Variants in SMC5 observed in about 807,000 individuals in gnomAD.
SMC5 encodes structural maintenance of chromosomes 5.
In SMC5, 88 loss-of-function variants were observed where a neutral mutation model predicts 148.3. That is an observed-to-expected ratio of 0.59 (90% confidence interval 0.50 to 0.71). The LOEUF is 0.71. SMC5 is among the 30% of genes least tolerant of loss of function. The pLI is 0.00. For missense variants in SMC5, 1,142 were observed against 1,298.9 expected (o/e 0.88, Z 1.86); for synonymous variants, 421 against 432.8 (o/e 0.97, Z 0.34).
chr9:70,336,835 C>T (rs1018175873), intron 17 of SMC5, among the ~76,000 whole-genome samples: 1 of 152,090 alleles, frequency 6.6e-6, no homozygotes, highest in African/African-American at 2.4e-5. Flanking sequence ...TGTATTGGTC[C>T]GTTTTCATGC....
chr9:70,290,396 A>G (rs564964297), intron 8 of SMC5, among the ~76,000 whole-genome samples: 35 of 152,216 alleles, frequency 2.3e-4, no homozygotes, highest in Non-Finnish European at 3.7e-4. Context: ...TATGAATAAT[A>G]AAAGACATTC....
intron 10 of SMC5, 60 bp from the exon 11 acceptor site, chr9:70,305,187 C>A: frequency 2.9e-6 from 2 of 700,864 alleles, no homozygotes; most frequent in South Asian, 1.9e-5. Flanking sequence ...TTAATATAAA[C>A]ATGTTTTAAT....
chr9:70,302,872 C>A (rs1178809328), intron 10 of SMC5, among the ~76,000 whole-genome samples: 1 of 152,034 alleles, frequency 6.6e-6, no homozygotes, highest in Non-Finnish European at 1.5e-5. Context: ...AATTGAATTG[C>A]CATGTAAACC....
At chr9:70,300,527 TG>T (rs1408377603) in intron 10 of SMC5, among the ~76,000 whole-genome samples, 5 of 152,192 alleles carry the variant, frequency 3.3e-5, no homozygotes, top group African/African-American at 1.2e-4. Flanking sequence ...AAAACCCTGC[TG>T]AAGAGGTAGA....
intron 1 of SMC5, among the ~76,000 whole-genome samples, chr9:70,260,893 C>T (rs564729797): frequency 6.6e-6 from 1 of 152,110 alleles, no homozygotes; most frequent in African/African-American, 2.4e-5. Flanking sequence ...TAGGCGCGTA[C>T]CATACCTGGC....
intron 17 of SMC5, among the ~76,000 whole-genome samples, chr9:70,336,446 C>A (rs1297062279): frequency 2.0e-5 from 3 of 152,148 alleles, no homozygotes; most frequent in Admixed American, 2.0e-4. Context: ...TCCTCTCCCC[C>A]ACTCCCCACC....
rs757294694 is a variant in SMC5 at position 70,259,046 on chromosome 9, C to T, written c.-33C>T. On this transcript the variant is annotated 5_prime_UTR_variant, in exon 1 of 25. It adds an upstream start codon to the 5' untranslated region. Transcript: ENST00000361138. The stretch of plus-strand genomic sequence containing the variant: ...CGCCTGGGCTGCCGGACGGTGGGAA[C>T]GGAAGTCGCTGTGGGACGCTGAGGA... 6.4e-7 allele frequency: 1 copy of T among 1,571,528 alleles called. No individual in the cohort carries two copies. The highest frequency in any genetic ancestry group is 8.6e-7 in the Non-Finnish European group (1 of 1,157,688).
At position 70,282,537 on chromosome 9, in the gene SMC5, A is replaced by T. The variant is rs770977626; in HGVS notation, c.935A>T (p.Glu312Val). 4.4e-6 allele frequency: 7 copies of T among 1,593,168 alleles called. No homozygotes were observed. In the Admixed American group the frequency reaches 1.1e-4, roughly 24 times the overall value. ...GQIPVTCRIE[E>V]MENERHNLEA... ...ATTCCTGTAACATGTCGAATTGAAGAAATGGAAAACGAGCGTCACAATTTG... is the reference window on the plus strand; with the variant it reads ...ATTCCTGTAACATGTCGAATTGAAGTAATGGAAAACGAGCGTCACAATTTG... Residue 312 changes from glutamate (E) to valine (V), a missense_variant, in exon 7 of 25, where the codon GAA (glutamate) becomes GTA (valine). By Grantham distance (121) the Glu-to-Val change is moderately radical. Around this residue, in one of 5 missense-constraint regions of SMC5, gnomAD observed 743 missense variants for 835.7 expected, o/e 0.89. Coordinates refer to ENST00000361138, the MANE Select transcript of SMC5 (RefSeq NM_015110.4).
intron 13 of SMC5, among the ~76,000 whole-genome samples, chr9:70,315,892 T>C (rs2035789030): frequency 6.6e-6 from 1 of 152,112 alleles, no homozygotes. Flanking sequence ...GGTAAATCTA[T>C]GTTCAAACAT....
Position 70,282,481 on chromosome 9 carries a change from G to A in SMC5, c.879G>A (p.Lys293=), listed in dbSNP as rs2034776453. 2.5e-6 allele frequency: 4 copies of A among 1,607,516 alleles called. No homozygotes were observed. The East Asian group carries it at 9.0e-5, about 36-fold the overall frequency. ...TAAAACTAGTTCGTGACCGAGTGAA[G>A]GAAGAGGTCAGAAAACTTAAAGAAG... ...EEVKLVRDRV[K]EEVRKLKEGQ... is the part of the protein sequence containing the mutation. Residue 293 remains lysine, a synonymous_variant, in exon 7 of 25, where the codon AAG becomes AAA. Coordinates refer to ENST00000361138, the MANE Select transcript of SMC5 (RefSeq NM_015110.4).
intron 8 of SMC5, among the ~76,000 whole-genome samples, chr9:70,295,085 A>G (rs1000752824): frequency 6.6e-6 from 1 of 152,162 alleles, no homozygotes. Context: ...GTCCTGAAAT[A>G]ATGGCAGGAA....
At chr9:70,263,702 T>A (rs750984264) in intron 1 of SMC5, among the ~76,000 whole-genome samples, 10 of 152,232 alleles carry the variant, frequency 6.6e-5, no homozygotes, top group Non-Finnish European at 1.2e-4. Context: ...CTAGGCTGGC[T>A]TTGACCTCCT....
At chr9:70,345,270 A>G (rs1471590516) in intron 18 of SMC5, among the ~76,000 whole-genome samples, 1 of 152,140 alleles carries the variant, frequency 6.6e-6, no homozygotes, top group African/African-American at 2.4e-5. Context: ...ATTAAAATGT[A>G]TTAATTACCT....
chr9:70,350,030 T>G (rs1389994788), intron 22 of SMC5, 84 bp from the exon 23 acceptor site: 2 of 934,302 alleles, frequency 2.1e-6, no homozygotes, highest in Non-Finnish European at 3.1e-6. Flanking sequence ...TTACTCTTAC[T>G]CAGTTAATTC....
Position 70,259,056 on chromosome 9 carries a change from T to C in SMC5, c.-23T>C. The C allele has an allele frequency of 6.3e-7, 1 of 1,589,506 alleles. No individual in the cohort carries two copies. Among genetic ancestry groups the C allele is most frequent in the South Asian group, 1.1e-5 (1 of 88,230 alleles). ...GCCGGACGGTGGGAACGGAAGTCGC[T>C]GTGGGACGCTGAGGAAGCCAGGATG... On this transcript the variant is annotated 5_prime_UTR_variant, in exon 1 of 25. Coordinates refer to ENST00000361138, the MANE Select transcript of SMC5 (RefSeq NM_015110.4).
intron 11 of SMC5, among the ~76,000 whole-genome samples, chr9:70,307,816 T>C (rs552860982): frequency 1.3e-5 from 2 of 152,310 alleles, no homozygotes; most frequent in South Asian, 4.1e-4. Flanking sequence ...TTCATTACTA[T>C]TTTAATGCTC....
At position 70,297,972 on chromosome 9, in the gene SMC5, G is replaced by T. The variant is rs1587658468; in HGVS notation, c.1060G>T (p.Glu354Ter). 1 of 1,610,770 alleles carries T rather than the reference G, an allele frequency of 6.2e-7. No homozygotes were observed. Among genetic ancestry groups the T allele is most frequent in the East Asian group, 2.2e-5 (1 of 44,856 alleles). The change falls in exon 9 of 25, where the codon GAA (glutamate) becomes TAA (stop). Residue 354 changes from glutamate to a stop codon, truncating the protein, a stop_gained. Coordinates refer to ENST00000361138, the MANE Select transcript of SMC5 (RefSeq NM_015110.4). LOFTEE classifies it high-confidence loss of function. Reference protein sequence around the residue: ...VIERKDKHIEELQQALIVKQN... With the variant: ...VIERKDKHIE ...CCTACTTTTGTTTTATTAGATTGAGGAACTTCAGCAGGCTTTAATAGTAAA... is the reference window on the plus strand; with the variant it reads ...CCTACTTTTGTTTTATTAGATTGAGTAACTTCAGCAGGCTTTAATAGTAAA...
At chr9:70,275,467 C>T (rs748656091) in intron 3 of SMC5, among the ~76,000 whole-genome samples, 5 of 152,196 alleles carry the variant, frequency 3.3e-5, no homozygotes, top group African/African-American at 1.2e-4. Context: ...TTCCAAAATA[C>T]TGAGATTACA....
At chr9:70,348,974 G>A (rs1205071622) in intron 22 of SMC5, among the ~76,000 whole-genome samples, 1 of 152,172 alleles carries the variant, frequency 6.6e-6, no homozygotes, top group African/African-American at 2.4e-5. Flanking sequence ...AATTACATAT[G>A]TGGGTTGTAT....
Sources: allele counts gnomAD v4.1 joint callset (sites outside exome capture counted in the v4.1 genomes callset), GRCh38; gene constraint gnomAD v4.1.1; regional missense constraint gnomAD v4.1.1; transcripts MANE v1.5; gene names NCBI Gene and HGNC (gene_info 2026-07-23, HGNC 2026-07-21).